Variants in CUL5 observed in about 807,000 individuals in gnomAD.
CUL5 encodes the protein cullin-5.
In CUL5, 26 loss-of-function variants were observed where a neutral mutation model predicts 108.8. The ratio of observed to expected loss-of-function variants is 0.24; its 90% confidence interval spans 0.18 to 0.33. CUL5 has a LOEUF of 0.33. CUL5 is among the 10% of genes least tolerant of loss of function. CUL5 has a pLI of 1.00. For synonymous variants in CUL5, 334 were observed against 298.0 expected, an observed-to-expected ratio of 1.12 and a Z score of -1.25; for missense variants, 524 against 909.2, an observed-to-expected ratio of 0.58 and a Z score of 5.45.
Position 108,089,601 on chromosome 11 carries a change from A to G in CUL5, c.1421A>G (p.Glu474Gly). The change falls in exon 13 of 19, where the codon GAA becomes GGA. Residue 474 changes from glutamate (E) to glycine (G), a missense_variant. This residue lies in a region of CUL5 where 76 missense variants were observed against 168.3 expected (regional missense o/e 0.45). Coordinates refer to ENST00000393094, the MANE Select transcript of CUL5 (RefSeq NM_003478.6). ...LDISADSEIE[E>G]NMVEWLREVG... ...ATCTCTGCCGATAGTGAAATTGAAG[A>G]AAACATGGTAGAGTGGCTAAGAGTA... The G allele has an allele frequency of 6.5e-7, 1 of 1,542,964 alleles. No homozygotes were observed. Among genetic ancestry groups the G allele is most frequent in the Non-Finnish European group, 8.7e-7 (1 of 1,154,774 alleles).
intron 2 of CUL5, among the ~76,000 whole-genome samples, chr11:108,044,667 T>G (rs1331763799): frequency 6.6e-6 from 1 of 152,062 alleles, no homozygotes; most frequent in Non-Finnish European, 1.5e-5. Context: ...GATTCTTCAC[T>G]ATGACCCTGT....
intron 13 of CUL5, among the ~76,000 whole-genome samples, chr11:108,090,246 T>TGG (rs1386753982): frequency 1.3e-5 from 2 of 152,116 alleles, no homozygotes; most frequent in African/African-American, 4.8e-5. Flanking sequence ...CCCAGCACTT[T>TGG]GGGAGGCCAA....
At chr11:108,044,977 G>C (rs1203059293) in intron 2 of CUL5, among the ~76,000 whole-genome samples, 1 of 151,974 alleles carries the variant, frequency 6.6e-6, no homozygotes, top group African/African-American at 2.4e-5. Flanking sequence ...TGGCCAGGCT[G>C]GTCTTGAACT....
At chr11:108,019,182 T>C (rs1862271113) in intron 1 of CUL5, among the ~76,000 whole-genome samples, 1 of 96,788 alleles carries the variant, frequency 1.0e-5, no homozygotes, top group African/African-American at 4.4e-5. Context: ...GTATGGGTTT[T>C]GGTATCCCGA....
At chr11:108,025,177 C>T (rs1484675481) in intron 1 of CUL5, among the ~76,000 whole-genome samples, 2 of 152,182 alleles carry the variant, frequency 1.3e-5, no homozygotes, top group African/African-American at 4.8e-5. Flanking sequence ...GATGTTCATG[C>T]CATCCCATAC....
intron 1 of CUL5, among the ~76,000 whole-genome samples, chr11:108,009,668 G>A (rs1862012823): frequency 6.6e-6 from 1 of 152,206 alleles, no homozygotes; most frequent in Non-Finnish European, 1.5e-5. Context: ...ATGAATGGTC[G>A]TGCGGTGTCC....
Position 108,078,226 on chromosome 11 carries a change from T to A in CUL5, c.1164T>A (p.Pro388=). ...CTACCATATTTAAACTTGAATTACC[T>A]TTGAAGCAGAAGGGGTAAGTTTTTT... ...NDATIFKLEL[P]LKQKGVGLKT... Residue 388 remains proline, a synonymous_variant, in exon 11 of 19, where the codon CCT becomes CCA. Transcript: ENST00000393094. 1 of 1,572,924 alleles carries A rather than the reference T, an allele frequency of 6.4e-7. No individual in the cohort carries two copies. The highest frequency in any genetic ancestry group is 8.7e-7 in the Non-Finnish European group (1 of 1,155,476).
chr11:108,081,251 A>G lies in CUL5; in HGVS notation c.1178+3011A>G, dbSNP rs532037107. Among the ~76,000 whole-genome samples, 11 of 152,026 alleles carry G rather than the reference A, an allele frequency of 7.2e-5. No individual in the cohort carries two copies. In the East Asian group the frequency reaches 2.1e-3, roughly 30 times the overall value. ...CGCAGTGAGCCGAGATCGTGCCATT[A>G]CACTCCAGCCTGGGTGACAGAGTGA... On this transcript the variant is annotated intron_variant, in intron 11 of 18. Transcript: ENST00000393094.
At chr11:108,088,705 G>T in intron 12 of CUL5, 46 bp downstream of exon 12, 1 of 1,475,972 alleles carries the variant, frequency 6.8e-7, no homozygotes, top group South Asian at 1.3e-5. Context: ...ACCTTACTTT[G>T]AATTTGTGTT....
intron 5 of CUL5, among the ~76,000 whole-genome samples, chr11:108,053,427 T>G (rs1046848499): frequency 3.9e-5 from 6 of 152,230 alleles, no homozygotes; most frequent in African/African-American, 1.2e-4. Context: ...GAGTTACTTT[T>G]GACTGGCTTT....
intron 1 of CUL5, among the ~76,000 whole-genome samples, chr11:108,030,186 ACT>A (rs1192513576): frequency 6.6e-6 from 1 of 152,200 alleles, no homozygotes; most frequent in Non-Finnish European, 1.5e-5. Context: ...CACAATTCTG[ACT>A]CTGAATTTCC....
chr11:108,102,122 A>G (rs1184375998), intron 18 of CUL5, among the ~76,000 whole-genome samples: 1 of 151,840 alleles, frequency 6.6e-6, no homozygotes, highest in African/African-American at 2.4e-5. Context: ...CCCAGGTTCA[A>G]ATGATTCTCC....
chr11:108,052,147 G>T (rs1043662106), intron 4 of CUL5, among the ~76,000 whole-genome samples: 4 of 151,900 alleles, frequency 2.6e-5, no homozygotes, highest in African/African-American at 9.7e-5. Flanking sequence ...TGTATTTTTT[G>T]TTGTTGTTGA....
chr11:108,076,869 T>G (rs1207910833), intron 10 of CUL5, among the ~76,000 whole-genome samples: 2 of 152,228 alleles, frequency 1.3e-5, no homozygotes, highest in Non-Finnish European at 2.9e-5. Context: ...AAGGATATGT[T>G]CACTGCGATA....
At chr11:108,081,602 A>G (rs889785804) in intron 11 of CUL5, among the ~76,000 whole-genome samples, 37 of 151,684 alleles carry the variant, frequency 2.4e-4, no homozygotes, top group African/African-American at 7.5e-4. Flanking sequence ...AATACAAAAA[A>G]TTAGCCAGGC....
chr11:108,103,951 C>T (rs200474086), intron 18 of CUL5, among the ~76,000 whole-genome samples: 1 of 152,124 alleles, frequency 6.6e-6, no homozygotes, highest in East Asian at 1.9e-4. Context: ...AATGCTTATC[C>T]CTCCCCTATC....
chr11:108,033,858 G>A lies in CUL5; in HGVS notation c.81G>A (p.Leu27=). ...DKWDFMRPIV[L]KLLRQESVTK... ...GGGATTTTATGCGCCCGATTGTTTT[G>A]AAGCTTTTACGCCAGGAATCTGTTA... is the stretch of plus-strand genomic sequence containing the variant. Residue 27 remains leucine (L), a synonymous_variant, in exon 2 of 19, where the codon TTG becomes TTA. Coordinates refer to ENST00000393094, the MANE Select transcript of CUL5 (RefSeq NM_003478.6). The A allele has an allele frequency of 2.5e-6, 4 of 1,612,040 alleles. No homozygotes were observed. The highest frequency in any genetic ancestry group is 3.4e-6 in the Non-Finnish European group (4 of 1,179,370).
chr11:108,044,082 ATTG>A lies in CUL5; in HGVS notation c.135-2185_135-2183del, dbSNP rs1028771335. ...TAAGCAGTCAGGTGTTACCTTTTAT[ATTG>A]TTATTTAACAAATATTTGTGTGCTT... On this transcript the variant is annotated intron_variant, in intron 2 of 18. Coordinates refer to ENST00000393094, the MANE Select transcript of CUL5 (RefSeq NM_003478.6). Among the ~76,000 whole-genome samples, 5 of 152,292 alleles carry A rather than the reference ATTG, an allele frequency of 3.3e-5. No homozygotes were observed. In the South Asian group the frequency reaches 6.2e-4, roughly 19 times the overall value.
intron 18 of CUL5, among the ~76,000 whole-genome samples, chr11:108,103,915 C>T (rs748838865): frequency 1.7e-4 from 26 of 152,076 alleles, no homozygotes; most frequent in Middle Eastern, 3.2e-3. Flanking sequence ...CCCATCAACC[C>T]GTCATCTACA....
Sources: allele counts gnomAD v4.1 joint callset (sites outside exome capture counted in the v4.1 genomes callset), GRCh38; gene constraint gnomAD v4.1.1; regional missense constraint gnomAD v4.1.1; transcripts MANE v1.5; gene names NCBI Gene and HGNC (gene_info 2026-07-23, HGNC 2026-07-21).